The following CAPN13 variants were observed in gnomAD, a reference collection of about 807,000 sequenced individuals.
CAPN13 encodes the protein calpain-13.
Under a neutral mutation model 98.4 loss-of-function variants are expected in CAPN13, and 90 were observed. The observed-to-expected ratio is 0.92, with a 90% CI of 0.77 to 1.09. The LOEUF is 1.09. Among genes scored for constraint, CAPN13 ranks in the 50% least tolerant of loss-of-function variants. The pLI, the probability that CAPN13 is intolerant of heterozygous loss-of-function variation, is 0.00. For missense variants in CAPN13, 887 were observed against 841.3 expected, an observed-to-expected ratio of 1.05 and a Z score of -0.67; for synonymous variants, 330 against 305.5, an observed-to-expected ratio of 1.08 and a Z score of -0.84.
intron 9 of CAPN13, 142 bp downstream of exon 9, chr2:30,754,148 C>G: frequency 1.9e-6 from 1 of 525,798 alleles, no homozygotes. Context: ...GTTTTTGTGT[C>G]TTGGTAGAGA....
At chr2:30,736,121 C>A (rs1671351792) in intron 18 of CAPN13, among the ~76,000 whole-genome samples, 1 of 150,622 alleles carries the variant, frequency 6.6e-6, no homozygotes, top group Non-Finnish European at 1.5e-5. Context: ...GGGGAGGCCA[C>A]ATTGAGGCCT....
intron 7 of CAPN13, 118 bp from the exon 8 acceptor site, chr2:30,758,255 T>C: frequency 1.4e-6 from 1 of 690,568 alleles, no homozygotes; most frequent in Non-Finnish European, 2.3e-6. Flanking sequence ...CTCATTTGGC[T>C]GCAGCCAGAA....
intron 1 of CAPN13, among the ~76,000 whole-genome samples, chr2:30,801,467 T>C (rs548948231): frequency 5.3e-5 from 8 of 151,492 alleles, no homozygotes; most frequent in African/African-American, 1.9e-4. Context: ...TAGCTGGGCG[T>C]GGTGGTGTGC....
chr2:30,753,652 T>C lies in CAPN13; in HGVS notation c.942-454A>G, dbSNP rs796162277. Among the ~76,000 whole-genome samples the C allele has an allele frequency of 2.6e-5, 4 of 152,352 alleles. No individual in the cohort carries two copies. The East Asian group carries it at 7.7e-4, about 29-fold the overall frequency. ...CCTACTGTGATTAAACCAGAGATAC[T>C]GGGAAAGATTTCCTTCTAATTTATA... On this transcript the variant is annotated intron_variant, in intron 9 of 22. Transcript: ENST00000295055.
At chr2:30,801,070 T>C (rs895319487) in intron 1 of CAPN13, among the ~76,000 whole-genome samples, 3 of 152,184 alleles carry the variant, frequency 2.0e-5, no homozygotes, top group Non-Finnish European at 4.4e-5. Context: ...GCCTGCCATG[T>C]ACCAAGTTAA....
intron 15 of CAPN13, among the ~76,000 whole-genome samples, chr2:30,739,007 A>C (rs887968273): frequency 1.2e-4 from 18 of 152,226 alleles, no homozygotes; most frequent in African/African-American, 4.1e-4. Flanking sequence ...CCACTGAAGC[A>C]AAAAGGGAGA....
chr2:30,773,099 C>T (rs1416336577), intron 4 of CAPN13, among the ~76,000 whole-genome samples: 3 of 152,236 alleles, frequency 2.0e-5, no homozygotes, highest in Admixed American at 6.5e-5. Context: ...GCTGGGATTA[C>T]AGGCGTGAGC....
intron 9 of CAPN13, 83 bp downstream of exon 9, chr2:30,754,207 G>A (rs485100): frequency 0.85 from 949,262 of 1,117,636 alleles, 403,674 homozygotes; most frequent in African/African-American, 0.92. Context: ...TTCCACCTTC[G>A]TAAATGTTCA....
intron 4 of CAPN13, among the ~76,000 whole-genome samples, chr2:30,775,710 G>A (rs960111361): frequency 6.6e-6 from 1 of 152,102 alleles, no homozygotes; most frequent in Non-Finnish European, 1.5e-5. Context: ...AATCATTTCT[G>A]TCATTTCTTT....
chr2:30,791,904 A>G (rs1176319562), intron 1 of CAPN13, among the ~76,000 whole-genome samples: 1 of 152,230 alleles, frequency 6.6e-6, no homozygotes, highest in East Asian at 1.9e-4. Flanking sequence ...TCTCAGAAAT[A>G]AATAGTTGTA....
At chr2:30,789,898 C>G (rs1356268386) in intron 1 of CAPN13, among the ~76,000 whole-genome samples, 2 of 152,306 alleles carry the variant, frequency 1.3e-5, no homozygotes, top group East Asian at 3.9e-4. Flanking sequence ...GATGGTCAGT[C>G]AGACCTGGGC....
chr2:30,743,685 A>T, intron 12 of CAPN13, 106 bp from the exon 13 acceptor site: 2 of 942,924 alleles, frequency 2.1e-6, no homozygotes, highest in Non-Finnish European at 1.7e-6. Flanking sequence ...ATTCACCAAG[A>T]TAACATTACA....
At chr2:30,727,464 G>A (rs573899674) in intron 22 of CAPN13, among the ~76,000 whole-genome samples, 36 of 152,252 alleles carry the variant, frequency 2.4e-4, no homozygotes, top group African/African-American at 7.9e-4. Flanking sequence ...TAACTCCTCT[G>A]TAGTAAAAAT....
chr2:30,803,758 A>G (rs886729861), intron 1 of CAPN13, among the ~76,000 whole-genome samples: 1 of 152,144 alleles, frequency 6.6e-6, no homozygotes, highest in African/African-American at 2.4e-5. Context: ...GGATCTCTTT[A>G]TTCACTAAAT....
chr2:30,805,560 T>C (rs1479581120), intron 1 of CAPN13, among the ~76,000 whole-genome samples: 1 of 152,124 alleles, frequency 6.6e-6, no homozygotes, highest in African/African-American at 2.4e-5. Flanking sequence ...GTGCTTTCCA[T>C]ATAGGATCTC....
Position 30,787,183 on chromosome 2 carries a change from C to T in CAPN13, c.143G>A (p.Gly48Asp), listed in dbSNP as rs555164868. 4.4e-6 allele frequency: 7 copies of T among 1,595,420 alleles called. No homozygotes were observed. Among genetic ancestry groups the T allele is most frequent in the South Asian group, 3.4e-5 (3 of 87,432 alleles). Residue 48 changes from glycine to aspartate, a missense_variant, in exon 2 of 23, where the codon GGC (glycine) becomes GAC (aspartate). By Grantham distance (94) the Gly-to-Asp change is moderately conservative. Coordinates refer to ENST00000295055, the MANE Select transcript of CAPN13 (RefSeq NM_144575.3). ...GCGTTTTTCCTGGAGCAGCTTCTGG[C>T]CTATGGAAGAATCTGCTGCAGGGAA... is the stretch of plus-strand genomic sequence containing the variant. ...ETFPAADSSI[G>D]QKLLQEKRLS...
At chr2:30,741,747 C>A in intron 15 of CAPN13, 161 bp downstream of exon 15, 1 of 1,473,042 alleles carries the variant, frequency 6.8e-7, no homozygotes. Context: ...AGCTTGGCAG[C>A]CACAGCAGTT....
chr2:30,802,552 G>GC (rs1675352190), intron 1 of CAPN13, among the ~76,000 whole-genome samples: 1 of 149,484 alleles, frequency 6.7e-6, no homozygotes, highest in Admixed American at 6.6e-5. Flanking sequence ...TGGGGGGGGG[G>GC]GGTGGTGGTT....
intron 1 of CAPN13, among the ~76,000 whole-genome samples, chr2:30,795,306 G>A (rs1674796289): frequency 6.6e-6 from 1 of 152,008 alleles, no homozygotes; most frequent in South Asian, 2.1e-4. Flanking sequence ...TTGGGTTTAG[G>A]AAACGCACAT....
Sources: gnomAD v4.1 joint callset for allele counts (sites outside exome capture counted in the v4.1 genomes callset) on GRCh38, gnomAD v4.1.1 for gene constraint, MANE v1.5 for transcripts, NCBI Gene and HGNC (gene_info 2026-07-23, HGNC 2026-07-21) for gene names.